Variants in DENND2D observed in about 807,000 individuals in gnomAD.
The protein encoded by DENND2D is DENN domain-containing protein 2D.
A neutral mutation model predicts 59.8 loss-of-function variants in DENND2D; 37 were observed. That is an observed-to-expected ratio of 0.62 (90% CI 0.48 to 0.81). DENND2D has a LOEUF of 0.81. Among genes scored for constraint, DENND2D ranks in the 40% least tolerant of loss-of-function variants. The probability of loss-of-function intolerance (pLI) is 0.00; values close to 1 mark genes in which losing one functional copy is unlikely to be tolerated. For synonymous variants in DENND2D, 219 were observed against 211.3 expected (o/e 1.04, Z -0.31); for missense variants, 525 against 579.7 (o/e 0.91, Z 0.97).
chr1:111,196,116 GAGACTCTACT>G, intron 5 of DENND2D, 60 bp from the exon 6 acceptor site: 2 of 1,537,652 alleles, frequency 1.3e-6, no homozygotes, highest in South Asian at 2.5e-5. Flanking sequence ...GCAGGTGGAA[GAGACTCTACT>G]TGCCCCTGAG....
chr1:111,200,790 G>A (rs78691664), upstream of DENND2D: 1,179 of 1,053,370 alleles, frequency 1.1e-3, 12 homozygotes, highest in African/African-American at 0.018. Context: ...GAAAGTAGCC[G>A]GAAAGGCCTG....
upstream of DENND2D, chr1:111,204,018 C>A: frequency 2.3e-6 from 1 of 427,518 alleles, no homozygotes; most frequent in South Asian, 4.1e-5. Context: ...TGGAAGGACA[C>A]GTGGCCCCGG....
intron 8 of DENND2D, 35 bp from the exon 9 acceptor site, chr1:111,189,288 C>T (rs199591044): frequency 1.5e-5 from 24 of 1,612,960 alleles, no homozygotes; most frequent in Non-Finnish European, 2.0e-5. Context: ...CTCTGGTCCT[C>T]TTTCTTCATA....
intron 6 of DENND2D, 126 bp downstream of exon 6, chr1:111,195,790 T>C (rs1230545769): frequency 1.5e-6 from 2 of 1,374,828 alleles, no homozygotes; most frequent in East Asian, 4.6e-5. Context: ...TCTAACCAAG[T>C]CCCAGTCCCC....
rs545939263 is a variant in DENND2D, at chr1:111,190,787, G to T, written c.972+1353C>A. Among the ~76,000 whole-genome samples, 4 of 152,312 alleles carry T rather than the reference G, an allele frequency of 2.6e-5. No homozygotes were observed. In the East Asian group the frequency reaches 7.7e-4, roughly 29 times the overall value. On this transcript the variant is annotated intron_variant, in intron 8 of 11. Coordinates refer to ENST00000357640, the MANE Select transcript of DENND2D (RefSeq NM_024901.5). ...AGAGTGGAAAGTATGCCAAAAAATA[G>T]AGCATGCACTGTAATTATCTGTCAT...
At chr1:111,197,145 A>T (rs745592698) in intron 5 of DENND2D, 31 bp downstream of exon 5, 25 of 1,569,070 alleles carry the variant, frequency 1.6e-5, no homozygotes, top group Middle Eastern at 1.7e-4. Context: ...AGCCTGGAAT[A>T]TGGGCAGGCC....
chr1:111,189,624 TCAAG>T (rs1657541913), intron 8 of DENND2D, among the ~76,000 whole-genome samples: 1 of 152,214 alleles, frequency 6.6e-6, no homozygotes, highest in African/African-American at 2.4e-5. Context: ...ACGTTTGATC[TCAAG>T]CAACAGTCCC....
intron 2 of DENND2D, 24 bp downstream of exon 2, chr1:111,199,599 C>A (rs1658598441): frequency 6.2e-7 from 1 of 1,602,432 alleles, no homozygotes; most frequent in Non-Finnish European, 8.5e-7. Flanking sequence ...CTCTGGCTGG[C>A]CCTGCCCCTC....
chr1:111,204,243 C>T (rs1363582901), upstream of DENND2D: 17 of 1,442,856 alleles, frequency 1.2e-5, no homozygotes, highest in Admixed American at 7.8e-5. Context: ...GCCCTAGCCC[C>T]GGCTCCCCGG....
In DENND2D at chr1:111,190,133, C is replaced by T. The variant is rs3828094; in HGVS notation, c.973-880G>A. Among the ~76,000 whole-genome samples the T allele has an allele frequency of 7.9e-5, 11 of 139,530 alleles. No homozygotes were observed. In the East Asian group the frequency reaches 2.1e-3, roughly 27 times the overall value. The allele number at this position is 139,530 out of a possible 152,430, so 91.5% of individuals were successfully genotyped here. A position where few individuals can be genotyped will look rare whatever the true frequency, so the allele number is the denominator to read the frequency against. ...GAGCCGAGATCGCGCCACTGCACTC[C>T]AGCCTGGGCGACACAGCGAGACTCT... is the stretch of plus-strand genomic sequence containing the variant. On this transcript the variant is annotated intron_variant, in intron 8 of 11. Transcript: ENST00000357640.
chr1:111,191,888 C>T (rs988712979), intron 8 of DENND2D, among the ~76,000 whole-genome samples: 1 of 152,196 alleles, frequency 6.6e-6, no homozygotes, highest in Non-Finnish European at 1.5e-5. Context: ...AAAGGGGAAT[C>T]CTTCAGAAGG....
chr1:111,197,876 G>A lies in DENND2D; in HGVS notation c.426+44C>T, dbSNP rs1304118116. The A allele has an allele frequency of 2.5e-6, 4 of 1,612,532 alleles. No individual in the cohort carries two copies. In the Admixed American group the frequency reaches 5.0e-5, roughly 20 times the overall value. ...CTTGAGCAAGCCCAGCCGTGGAGCT[G>A]AGCAGACTGCAGAAAGGAAGGGGCA... On this transcript the variant is annotated intron_variant, in intron 4 of 11. Coordinates refer to ENST00000357640, the MANE Select transcript of DENND2D (RefSeq NM_024901.5).
Position 111,187,927 on chromosome 1 carries a change from A to G in DENND2D, c.1339+204T>C, listed in dbSNP as rs113771084. The stretch of plus-strand genomic sequence containing the variant: ...CAGAGGAAAGGGCTCAGTCCTGTTC[A>G]CTAATGGGTAAACCAACTTCCACAA... On this transcript the variant is annotated intron_variant, in intron 11 of 11. Coordinates refer to ENST00000357640, the MANE Select transcript of DENND2D (RefSeq NM_024901.5). Among the ~76,000 whole-genome samples the G allele has an allele frequency of 7.3e-3, 1,119 of 152,364 alleles. 16 individuals carry two copies. Among genetic ancestry groups the G allele is most frequent in the African/African-American group, 0.022 (899 of 41,578 alleles).
chr1:111,189,211 C>T lies in DENND2D; in HGVS notation c.1014+1G>A, dbSNP rs990963726. 2 of 1,614,034 alleles carry T rather than the reference C, an allele frequency of 1.2e-6. No homozygotes were observed. The highest frequency in any genetic ancestry group is 1.3e-5 in the African/African-American group (1 of 74,912). On this transcript the variant is annotated splice_donor_variant, in intron 9 of 11. Coordinates refer to ENST00000357640, the MANE Select transcript of DENND2D (RefSeq NM_024901.5). LOFTEE classifies it high-confidence loss of function. ...CAGGGGATCTGAACCCAGACACTTA[C>T]CGACATTAAGAAGGTTCCTTCACAA...
chr1:111,200,860 C>T, upstream of DENND2D: 1 of 422,578 alleles, frequency 2.4e-6, no homozygotes, highest in Non-Finnish European at 3.8e-6. Flanking sequence ...AGTTAATTTA[C>T]AACCTTAGAA....
upstream of DENND2D, chr1:111,204,103 C>G (rs1258296634): frequency 1.1e-5 from 5 of 448,246 alleles, no homozygotes; most frequent in Non-Finnish European, 1.1e-5. Context: ...TCCCCGCCCC[C>G]ACCTGACCCT....
chr1:111,195,890 A>G, intron 6 of DENND2D, 26 bp downstream of exon 6: 1 of 1,613,800 alleles, frequency 6.2e-7, no homozygotes, highest in Non-Finnish European at 8.5e-7. Context: ...CAGCTAGGGA[A>G]GGTCTCACCC....
upstream of DENND2D, chr1:111,204,252 G>A (rs1169653520): frequency 1.4e-6 from 2 of 1,449,610 alleles, no homozygotes; most frequent in East Asian, 3.0e-5. Context: ...CCGGCTCCCC[G>A]GTGCCCACGC....
At chr1:111,203,253 C>T (rs1026977399), upstream of DENND2D, among the ~76,000 whole-genome samples, 1 of 152,218 alleles carries the variant, frequency 6.6e-6, no homozygotes, top group Non-Finnish European at 1.5e-5. Context: ...GCAGATCACT[C>T]AGAGGTCACT....
Sources: gnomAD v4.1 joint callset for allele counts (sites outside exome capture counted in the v4.1 genomes callset) on GRCh38, gnomAD v4.1.1 for gene constraint, MANE v1.5 for transcripts, NCBI Gene and HGNC (gene_info 2026-07-23, HGNC 2026-07-21) for gene names.